COL23A1: variants seen among roughly 807,000 people sequenced by gnomAD.
The protein encoded by COL23A1 is collagen type XXIII alpha 1 chain.
In COL23A1, 97 loss-of-function variants were observed where a neutral mutation model predicts 99.3. The observed-to-expected ratio is 0.98, with a 90% CI of 0.83 to 1.16. The LOEUF is 1.16. Among genes scored for constraint, COL23A1 ranks in the 50% most tolerant of loss-of-function variants. The pLI, the probability that COL23A1 is intolerant of heterozygous loss-of-function variation, is 0.00. For synonymous variants in COL23A1, 320 were observed against 308.2 expected (o/e 1.04, Z -0.40); for missense variants, 762 against 757.4 (o/e 1.01, Z -0.07).
chr5:178,360,830 C>T (rs1484018881), intron 2 of COL23A1, among the ~76,000 whole-genome samples: 3 of 152,202 alleles, frequency 2.0e-5, no homozygotes, highest in Admixed American at 6.5e-5. Context: ...AAGAGCTCCA[C>T]GTCCCTGGGC....
intron 25 of COL23A1, among the ~76,000 whole-genome samples, chr5:178,244,165 A>C (rs1427896368): frequency 7.4e-6 from 1 of 135,186 alleles, no homozygotes; most frequent in Non-Finnish European, 1.6e-5. Context: ...TTTTTTTTGT[A>C]TATTTAGTAG....
At chr5:178,552,677 A>G (rs1377349122) in intron 2 of COL23A1, among the ~76,000 whole-genome samples, 2 of 151,190 alleles carry the variant, frequency 1.3e-5, no homozygotes, top group Non-Finnish European at 2.9e-5. Context: ...CTGGGCAAAA[A>G]AGTGAGCTCC....
rs1740540380 is a variant in COL23A1, at chr5:178,589,186, G to A, written c.294+718C>T. The stretch of plus-strand genomic sequence containing the variant: ...CCTCATATGAGCTTTCAAGTAAGCT[G>A]TGGAAGTCGCGATTCCCAGGTAAGG... On this transcript the variant is annotated intron_variant, in intron 1 of 28. Transcript: ENST00000390654. The surrounding 1 kb of genome is among the most constrained non-coding windows in gnomAD (Gnocchi z 5.4). Among the ~76,000 whole-genome samples the A allele has an allele frequency of 6.6e-6, 1 of 152,200 alleles. No homozygotes were observed. The highest frequency in any genetic ancestry group is 1.5e-5 in the Non-Finnish European group (1 of 68,038).
chr5:178,528,593 C>T (rs1489560011), intron 2 of COL23A1, among the ~76,000 whole-genome samples: 2 of 152,198 alleles, frequency 1.3e-5, no homozygotes, highest in Non-Finnish European at 2.9e-5. Context: ...GCGGGTGGGT[C>T]ACAAGGTCAG....
At chr5:178,406,148 C>A (rs1764752708) in intron 2 of COL23A1, among the ~76,000 whole-genome samples, 1 of 151,872 alleles carries the variant, frequency 6.6e-6, no homozygotes, top group South Asian at 2.1e-4. Flanking sequence ...TTCTCATGTA[C>A]AAATAATAAC....
intron 2 of COL23A1, among the ~76,000 whole-genome samples, chr5:178,388,615 G>A (rs1342068077): frequency 6.6e-6 from 1 of 152,136 alleles, no homozygotes; most frequent in Non-Finnish European, 1.5e-5. Context: ...TCCTCCCCTG[G>A]TGATTTTGCT....
chr5:178,514,068 T>C (rs1239804031), intron 2 of COL23A1, among the ~76,000 whole-genome samples: 1 of 151,970 alleles, frequency 6.6e-6, no homozygotes, highest in Non-Finnish European at 1.5e-5. Context: ...CTCCCCACTT[T>C]CTCCTCCCCC....
Position 178,497,094 on chromosome 5 carries a change from G to A in COL23A1, c.361+63588C>T, listed in dbSNP as rs116935518. ...CTACGTCTGGTATAATGGCTGTCAC[G>A]GTGTTCTGTGGATAGGAAACACTCT... On this transcript the variant is annotated intron_variant, in intron 2 of 28. Transcript: ENST00000390654. Among the ~76,000 whole-genome samples the A allele has an allele frequency of 9.3e-3, 1,418 of 152,216 alleles. 48 individuals carry two copies. The highest frequency in any genetic ancestry group is 0.064 in the Admixed American group (975 of 15,284).
chr5:178,494,747 C>T (rs1758110264), intron 2 of COL23A1, among the ~76,000 whole-genome samples: 1 of 152,206 alleles, frequency 6.6e-6, no homozygotes, highest in Non-Finnish European at 1.5e-5. Flanking sequence ...ACATCCCTAA[C>T]ACCTTCAAAC....
At chr5:178,403,892 C>T (rs1003467190) in intron 2 of COL23A1, among the ~76,000 whole-genome samples, 2 of 152,256 alleles carry the variant, frequency 1.3e-5, no homozygotes, top group East Asian at 3.8e-4. Context: ...ACCTGTGAGG[C>T]CCCCATCATG....
chr5:178,414,265 T>C (rs940060413), intron 2 of COL23A1, among the ~76,000 whole-genome samples: 1 of 152,214 alleles, frequency 6.6e-6, no homozygotes, highest in Non-Finnish European at 1.5e-5. Flanking sequence ...AATGAGTATC[T>C]ACCACCTGCT....
intron 2 of COL23A1, among the ~76,000 whole-genome samples, chr5:178,470,826 C>A (rs1363282246): frequency 1.3e-5 from 2 of 152,222 alleles, no homozygotes; most frequent in Non-Finnish European, 2.9e-5. Flanking sequence ...CCCCACTGAG[C>A]GGCCGTTCAT....
intron 2 of COL23A1, among the ~76,000 whole-genome samples, chr5:178,519,386 A>C (rs1182639173): frequency 6.6e-6 from 1 of 152,164 alleles, no homozygotes. Context: ...TCCCATGACC[A>C]GGCACACAAT....
chr5:178,553,261 G>A lies in COL23A1; in HGVS notation c.361+7421C>T, dbSNP rs546792364. On this transcript the variant is annotated intron_variant, in intron 2 of 28. Coordinates refer to ENST00000390654, the MANE Select transcript of COL23A1 (RefSeq NM_173465.4). ...AAGGCAGTAAGGCAGTAAACAGGCT[G>A]AATATGAGCAACTTTTACCACTTCT... Among the ~76,000 whole-genome samples the A allele has an allele frequency of 1.8e-3, 270 of 151,654 alleles. 2 individuals are homozygous for A. The highest frequency in any genetic ancestry group is 6.2e-3 in the African/African-American group (257 of 41,326).
intron 2 of COL23A1, among the ~76,000 whole-genome samples, chr5:178,442,006 G>T (rs1453946420): frequency 2.6e-5 from 4 of 152,162 alleles, no homozygotes; most frequent in Non-Finnish European, 4.4e-5. Context: ...CATCTGTTTG[G>T]CCAAGGCTTT....
At chr5:178,541,197 T>C (rs137990326) in intron 2 of COL23A1, among the ~76,000 whole-genome samples, 319 of 152,142 alleles carry the variant, frequency 2.1e-3, no homozygotes, top group African/African-American at 5.9e-3. Context: ...GCCACCAGAA[T>C]AACTAAAAGA....
intron 2 of COL23A1, among the ~76,000 whole-genome samples, chr5:178,536,202 C>T (rs645789): frequency 8.9e-4 from 135 of 152,034 alleles, no homozygotes; most frequent in African/African-American, 3.0e-3. Flanking sequence ...CGGCTGGGGA[C>T]GCGGCTCATG....
intron 2 of COL23A1, among the ~76,000 whole-genome samples, chr5:178,368,439 C>G (rs773369988): frequency 1.3e-5 from 2 of 152,180 alleles, no homozygotes; most frequent in Admixed American, 6.5e-5. Flanking sequence ...CCCACACTGA[C>G]GAGTCATCAC....
At chr5:178,348,531 G>T (rs558865221) in intron 2 of COL23A1, among the ~76,000 whole-genome samples, 2 of 152,186 alleles carry the variant, frequency 1.3e-5, no homozygotes, top group African/African-American at 2.4e-5. Flanking sequence ...TCAGGGCTCC[G>T]AACGGCGCTG....
Sources: allele counts gnomAD v4.1 joint callset (sites outside exome capture counted in the v4.1 genomes callset), GRCh38; gene constraint gnomAD v4.1.1; non-coding constraint Gnocchi (gnomAD v3.1); transcripts MANE v1.5; gene names NCBI Gene and HGNC (gene_info 2026-07-23, HGNC 2026-07-21).